The following ZNF638 variants were observed in gnomAD, a reference collection of about 807,000 sequenced individuals.
ZNF638 encodes zinc finger protein 638, also known as CTCL tumor antigen se33-1.
ZNF638 carries 46 observed loss-of-function variants against 195.6 expected under a neutral mutation model. The observed-to-expected ratio is 0.24, with a 90% confidence interval of 0.19 to 0.30. The LOEUF (loss-of-function observed/expected upper bound fraction) is 0.30. Among genes scored for constraint, ZNF638 ranks in the 10% least tolerant of loss-of-function variants. The pLI, the probability that ZNF638 is intolerant of heterozygous loss-of-function variation, is 1.00. For synonymous variants in ZNF638, 845 were observed against 772.0 expected (o/e 1.09, Z -1.57); for missense variants, 2,440 against 2,325.3 (o/e 1.05, Z -1.01).
At chr2:71,335,442 T>A (rs1252451977) in intron 1 of ZNF638, among the ~76,000 whole-genome samples, 4 of 152,214 alleles carry the variant, frequency 2.6e-5, no homozygotes, top group Non-Finnish European at 2.9e-5. Flanking sequence ...TTAAAAAAAA[T>A]TTCCTATCTT....
In ZNF638 at chr2:71,424,734, A is replaced by C. The variant is rs201314479; in HGVS notation, c.4590+19A>C. On this transcript the variant is annotated intron_variant, in intron 23 of 27. Transcript: ENST00000264447. Reference sequence around the variant, plus strand: ...TAAAGAGGTAAAAAATAGATCACAGACCCTAACCCTTCTTTTTCATCTCCA... The same window carrying C: ...TAAAGAGGTAAAAAATAGATCACAGCCCCTAACCCTTCTTTTTCATCTCCA... The C allele has an allele frequency of 8.8e-6, 14 of 1,587,570 alleles. No homozygotes were observed. Among genetic ancestry groups the C allele is most frequent in the Non-Finnish European group, 1.2e-5 (14 of 1,161,464 alleles).
At chr2:71,341,967 C>G (rs948042319) in intron 1 of ZNF638, 19 of 152,206 alleles carry the variant, frequency 1.2e-4, no homozygotes, top group African/African-American at 4.3e-4. Flanking sequence ...TTAGAGGTTT[C>G]TTACCAAGAT....
At chr2:71,386,846 G>T (rs2079650702) in intron 10 of ZNF638, among the ~76,000 whole-genome samples, 1 of 151,960 alleles carries the variant, frequency 6.6e-6, no homozygotes, top group Non-Finnish European at 1.5e-5. Context: ...GTTATAAGAT[G>T]CCTTTTTTTT....
intron 1 of ZNF638, among the ~76,000 whole-genome samples, chr2:71,342,851 G>A (rs1252533505): frequency 1.3e-5 from 2 of 152,074 alleles, no homozygotes; most frequent in African/African-American, 4.8e-5. Context: ...CTGAGGGTGC[G>A]AAGACTAATG....
intron 10 of ZNF638, among the ~76,000 whole-genome samples, chr2:71,386,726 C>T (rs1160499573): frequency 6.6e-6 from 1 of 151,832 alleles, no homozygotes; most frequent in Non-Finnish European, 1.5e-5. Context: ...TTAAATAGTC[C>T]ATTTATAATA....
At chr2:71,352,486 TAAAAAAAATA>T (rs1449359609) in intron 2 of ZNF638, among the ~76,000 whole-genome samples, 1 of 19,812 alleles carries the variant, frequency 5.0e-5, no homozygotes, top group African/African-American at 1.8e-4. Context: ...TCAAAAAAAA[TAAAAAAAATA>T]AAAAAAAAAA....
chr2:71,399,622 C>G lies in ZNF638; in HGVS notation c.2564C>G (p.Ser855Cys). The G allele has an allele frequency of 3.1e-6, 5 of 1,612,562 alleles. No homozygotes were observed. The highest frequency in any genetic ancestry group is 1.1e-5 in the South Asian group (1 of 90,902). Residue 855 changes from serine to cysteine, a missense_variant, in exon 13 of 28, where the codon TCT becomes TGT. Ser to Cys is a moderately radical substitution (Grantham distance 112). Around this residue, in one of 5 missense-constraint regions of ZNF638, gnomAD observed 1,883 missense variants for 1,739.1 expected, o/e 1.08. Coordinates refer to ENST00000264447, the MANE Select transcript of ZNF638 (RefSeq NM_014497.5). ...ACTGGGAATGTCAAAAACAAAGACT[C>G]TAACAAACCTGTGACTATACCAGGT... ...KKTGNVKNKD[S>C]NKPVTIPENS...
At chr2:71,401,844 T>C (rs1456075172) in intron 15 of ZNF638, 112 bp from the exon 16 acceptor site, 7 of 933,040 alleles carry the variant, frequency 7.5e-6, no homozygotes, top group Non-Finnish European at 9.0e-6. Context: ...TATCAGACTT[T>C]CCTCAGTATT....
At chr2:71,393,158 A>T (rs1365791647) in intron 10 of ZNF638, among the ~76,000 whole-genome samples, 3 of 150,538 alleles carry the variant, frequency 2.0e-5, no homozygotes, top group Non-Finnish European at 4.5e-5. Flanking sequence ...CTCAGAAAAC[A>T]AAAAGGGGAA....
chr2:71,431,717 G>A (rs2080666917), intron 26 of ZNF638, among the ~76,000 whole-genome samples: 1 of 149,508 alleles, frequency 6.7e-6, no homozygotes, highest in African/African-American at 2.5e-5. Context: ...CCGAGATAGC[G>A]CCACTGCACT....
chr2:71,419,371 A>G (rs1397649990), intron 21 of ZNF638, among the ~76,000 whole-genome samples: 1 of 152,164 alleles, frequency 6.6e-6, no homozygotes, highest in Non-Finnish European at 1.5e-5. Context: ...TTGTTGTAAG[A>G]GCGTATATTT....
intron 5 of ZNF638, among the ~76,000 whole-genome samples, chr2:71,364,941 GTTC>G (rs1446604297): frequency 1.3e-5 from 2 of 152,196 alleles, no homozygotes; most frequent in South Asian, 2.1e-4. Context: ...AAGAATTTAG[GTTC>G]TTCTTTTAAG....
intron 23 of ZNF638, among the ~76,000 whole-genome samples, chr2:71,426,037 C>T (rs2080532892): frequency 6.6e-6 from 1 of 152,136 alleles, no homozygotes; most frequent in Non-Finnish European, 1.5e-5. Flanking sequence ...GCCTAATTAG[C>T]TGTTTACTTT....
At chr2:71,338,280 CA>C (rs2078705833) in intron 1 of ZNF638, among the ~76,000 whole-genome samples, 2 of 152,194 alleles carry the variant, frequency 1.3e-5, no homozygotes, top group African/African-American at 4.8e-5. Context: ...TTTTCTACTC[CA>C]ACTGTTATTC....
At chr2:71,357,519 T>TAATTCTTATG (rs1316002759) in intron 3 of ZNF638, among the ~76,000 whole-genome samples, 1 of 152,244 alleles carries the variant, frequency 6.6e-6, no homozygotes. Flanking sequence ...TGGGATGTCT[T>TAATTCTTATG]AATTCTTATG....
At chr2:71,371,440 C>T (rs1001880262) in intron 8 of ZNF638, among the ~76,000 whole-genome samples, 12 of 152,044 alleles carry the variant, frequency 7.9e-5, no homozygotes, top group East Asian at 1.9e-4. Flanking sequence ...CCATAGTGAT[C>T]GTACTAATTT....
intron 10 of ZNF638, chr2:71,395,789 C>T (rs1558866874): frequency 5.0e-6 from 2 of 404,034 alleles, no homozygotes. Flanking sequence ...ATCCGTCGCT[C>T]AGCCTGAGTC....
At chr2:71,398,354 G>GT (rs1384181595) in intron 11 of ZNF638, among the ~76,000 whole-genome samples, 2 of 151,910 alleles carry the variant, frequency 1.3e-5, no homozygotes, top group Non-Finnish European at 2.9e-5. Flanking sequence ...GCATGAAACA[G>GT]TTTTTTTTAA....
intron 26 of ZNF638, among the ~76,000 whole-genome samples, chr2:71,432,440 G>T (rs1385245004): frequency 6.6e-6 from 1 of 152,158 alleles, no homozygotes; most frequent in African/African-American, 2.4e-5. Context: ...AGCTCAAGCA[G>T]TCTGTCCGCC....
Sources: allele counts gnomAD v4.1 joint callset (sites outside exome capture counted in the v4.1 genomes callset), GRCh38; gene constraint gnomAD v4.1.1; regional missense constraint gnomAD v4.1.1; transcripts MANE v1.5; gene names NCBI Gene and HGNC (gene_info 2026-07-23, HGNC 2026-07-21).